Variants in SLC39A11 observed in about 807,000 individuals in gnomAD.
The protein encoded by SLC39A11 is zinc transporter ZIP11.
SLC39A11 carries 33 observed loss-of-function variants against 36.1 expected under a neutral mutation model. The ratio of observed to expected loss-of-function variants is 0.91; its 90% CI spans 0.69 to 1.22. SLC39A11 has a LOEUF of 1.22. Ranked by LOEUF, SLC39A11 falls within the 50% of genes most tolerant of loss-of-function variation. The pLI is 0.00. For missense variants in SLC39A11, 432 were observed against 430.3 expected (o/e 1.00, Z -0.03); for synonymous variants, 166 against 170.3 (o/e 0.97, Z 0.20).
At chr17:72,918,103 C>A (rs1007315621) in intron 5 of SLC39A11, among the ~76,000 whole-genome samples, 2 of 152,218 alleles carry the variant, frequency 1.3e-5, no homozygotes, top group Non-Finnish European at 2.9e-5. Flanking sequence ...ATTGTCCTTA[C>A]CTGTAATGTA....
chr17:73,022,060 A>T (rs1181186518), intron 4 of SLC39A11, among the ~76,000 whole-genome samples: 1 of 152,242 alleles, frequency 6.6e-6, no homozygotes, highest in African/African-American at 2.4e-5. Context: ...ACACGCTTGA[A>T]ATGCTCTGTG....
At chr17:72,829,816 C>T (rs192645313) in intron 6 of SLC39A11, among the ~76,000 whole-genome samples, 4 of 152,236 alleles carry the variant, frequency 2.6e-5, no homozygotes, top group Non-Finnish European at 4.4e-5. Flanking sequence ...GTTTTCTCCA[C>T]GTCACTAGTG....
chr17:72,955,146 T>C (rs1312630474), intron 4 of SLC39A11, among the ~76,000 whole-genome samples: 1 of 152,144 alleles, frequency 6.6e-6, no homozygotes, highest in Admixed American at 6.5e-5. Flanking sequence ...CTTTGAATTA[T>C]TCTACACTTG....
intron 4 of SLC39A11, among the ~76,000 whole-genome samples, chr17:72,989,964 T>C (rs769277212): frequency 6.6e-6 from 1 of 152,220 alleles, no homozygotes. Context: ...TGAGACGTCA[T>C]CCTAAACTAC....
intron 5 of SLC39A11, among the ~76,000 whole-genome samples, chr17:72,852,863 G>T (rs1485229464): frequency 6.6e-6 from 1 of 152,210 alleles, no homozygotes; most frequent in Non-Finnish European, 1.5e-5. Flanking sequence ...CCTGGGTCAT[G>T]GTGGAGGGTC....
chr17:72,764,373 G>T (rs2075692463), intron 6 of SLC39A11, among the ~76,000 whole-genome samples: 1 of 152,174 alleles, frequency 6.6e-6, no homozygotes, highest in African/African-American at 2.4e-5. Flanking sequence ...GCTTGGCAAG[G>T]ACACAGGGGT....
chr17:72,985,997 G>A (rs1207931079), intron 4 of SLC39A11, among the ~76,000 whole-genome samples: 2 of 152,086 alleles, frequency 1.3e-5, no homozygotes, highest in Non-Finnish European at 2.9e-5. Context: ...AGAAGCCAAG[G>A]AACCACCAAA....
chr17:72,699,599 A>G (rs77592048), intron 7 of SLC39A11, among the ~76,000 whole-genome samples: 14,426 of 152,232 alleles, frequency 0.095, 796 homozygotes, highest in Middle Eastern at 0.17. Flanking sequence ...AGGCTGAAAC[A>G]TATTTCTAGA....
chr17:72,971,805 G>C (rs1164815476), intron 4 of SLC39A11, among the ~76,000 whole-genome samples: 1 of 140,040 alleles, frequency 7.1e-6, no homozygotes, highest in African/African-American at 2.6e-5. Flanking sequence ...GTTTAAAAAG[G>C]AGAAGACTCA....
intron 7 of SLC39A11, among the ~76,000 whole-genome samples, chr17:72,668,999 T>C (rs1004382869): frequency 6.6e-6 from 1 of 151,964 alleles, no homozygotes; most frequent in Non-Finnish European, 1.5e-5. Context: ...CATAAAACAA[T>C]AGCAACAACT....
chr17:72,655,144 C>T (rs975336470), intron 7 of SLC39A11, among the ~76,000 whole-genome samples: 10 of 152,252 alleles, frequency 6.6e-5, no homozygotes, highest in African/African-American at 2.4e-4. Flanking sequence ...TGCTCCCCAG[C>T]AGGGGCTGGC....
intron 7 of SLC39A11, among the ~76,000 whole-genome samples, chr17:72,656,637 C>G (rs1053767434): frequency 2.6e-5 from 4 of 151,956 alleles, no homozygotes; most frequent in East Asian, 1.9e-4. Context: ...AGGCCTCTCC[C>G]GGGGAGGTCT....
chr17:73,004,159 GAAAA>G (rs1240978767), intron 4 of SLC39A11, among the ~76,000 whole-genome samples: 4 of 113,638 alleles, frequency 3.5e-5, no homozygotes, highest in Non-Finnish European at 7.1e-5. Flanking sequence ...AAGAAAGAAG[GAAAA>G]AAAGAAAGAA....
intron 3 of SLC39A11, among the ~76,000 whole-genome samples, chr17:73,047,217 G>T (rs2059327403): frequency 6.6e-6 from 1 of 151,606 alleles, no homozygotes; most frequent in African/African-American, 2.4e-5. Context: ...GCACAGATGG[G>T]GTTGCACCGT....
intron 6 of SLC39A11, among the ~76,000 whole-genome samples, chr17:72,761,027 T>C (rs149730052): frequency 5.9e-5 from 9 of 152,324 alleles, no homozygotes; most frequent in African/African-American, 1.9e-4. Flanking sequence ...ACCGCATCTA[T>C]GGAACAAGGT....
chr17:72,988,810 G>A (rs539478190), intron 4 of SLC39A11, among the ~76,000 whole-genome samples: 1 of 152,304 alleles, frequency 6.6e-6, no homozygotes, highest in Admixed American at 6.5e-5. Flanking sequence ...CCAGGTTCAA[G>A]TGATCCTCCC....
At chr17:72,648,697 G>A (rs963364853) in intron 9 of SLC39A11, 106 bp downstream of exon 9, 2 of 1,353,824 alleles carry the variant, frequency 1.5e-6, no homozygotes, top group African/African-American at 1.4e-5. Flanking sequence ...GCAGAGAGGG[G>A]GAGGGAATAA....
At chr17:72,968,325 C>T (rs2148013446) in intron 4 of SLC39A11, among the ~76,000 whole-genome samples, 1 of 152,308 alleles carries the variant, frequency 6.6e-6, no homozygotes, top group African/African-American at 2.4e-5. Flanking sequence ...GAGCCGAGAC[C>T]AACTCACAGC....
rs373224821 is a variant in SLC39A11, at chr17:73,008,983, C to A, written c.306+22573G>T. Among the ~76,000 whole-genome samples, 124 of 146,620 alleles carry A rather than the reference C, an allele frequency of 8.5e-4. No individual in the cohort carries two copies. In the East Asian group the frequency reaches 0.013, roughly 15 times the overall value. ...GGCTAAGGCCGGTGGATCAGTTGAG[C>A]CTGGGGCCCTTAAGGCTGCAGTGAG... On this transcript the variant is annotated intron_variant, in intron 4 of 9. Coordinates refer to ENST00000255559, the MANE Select transcript of SLC39A11 (RefSeq NM_139177.4).
Sources: allele counts gnomAD v4.1 joint callset (sites outside exome capture counted in the v4.1 genomes callset), GRCh38; gene constraint gnomAD v4.1.1; transcripts MANE v1.5; gene names NCBI Gene and HGNC (gene_info 2026-07-23, HGNC 2026-07-21).